C12orf75: variants seen among roughly 807,000 people sequenced by gnomAD.
C12orf75 encodes overexpressed in colon carcinoma 1 protein.
In C12orf75, 4 loss-of-function variants were observed where a neutral mutation model predicts 11.4. The observed-to-expected ratio is 0.35, with a 90% confidence interval of 0.17 to 0.80. The LOEUF (loss-of-function observed/expected upper bound fraction) is 0.80. Among genes scored for constraint, C12orf75 ranks in the 30% least tolerant of loss-of-function variants. The pLI, the probability that C12orf75 is intolerant of heterozygous loss-of-function variation, is 0.52. For synonymous variants in C12orf75, 30 were observed against 30.0 expected, an observed-to-expected ratio of 1.00 and a Z score of 0.00; for missense variants, 89 against 80.4, an observed-to-expected ratio of 1.11 and a Z score of -0.41.
intron 1 of C12orf75, among the ~76,000 whole-genome samples, chr12:105,335,646 G>A (rs944185298): frequency 6.8e-6 from 1 of 147,374 alleles, no homozygotes; most frequent in Non-Finnish European, 1.5e-5. Flanking sequence ...TCAGCCTCTA[G>A]ACTAGTTTCC....
intron 1 of C12orf75, among the ~76,000 whole-genome samples, chr12:105,337,686 T>G (rs941921277): frequency 2.0e-5 from 3 of 152,014 alleles, no homozygotes; most frequent in African/African-American, 7.3e-5. Flanking sequence ...TCTATAGGAG[T>G]ATTTGGGGAA....
At chr12:105,343,930 A>G (rs1391175918) in intron 1 of C12orf75, among the ~76,000 whole-genome samples, 1 of 152,046 alleles carries the variant, frequency 6.6e-6, no homozygotes, top group Non-Finnish European at 1.5e-5. Context: ...CTACCATTGC[A>G]GTTATTCAGT....
rs574124206 is a variant in C12orf75, at chr12:105,370,617, T to C, written c.*34-17T>C. 2 of 457,634 alleles carry C rather than the reference T, an allele frequency of 4.4e-6. No homozygotes were observed. Among genetic ancestry groups the C allele is most frequent in the African/African-American group, 2.0e-5 (1 of 50,190 alleles). The allele number at this position is 457,634 out of a possible 1,614,324, so 28.3% of individuals were successfully genotyped here. On this transcript the variant is annotated splice_polypyrimidine_tract_variant and intron_variant, in intron 5 of 5. Transcript: ENST00000443585. ...CCTGTTTGCTCACTCTTTTCTCCTCTTCTGTTGTCTCCTTAGCTTGCTCAT... is the reference window on the plus strand; with the variant it reads ...CCTGTTTGCTCACTCTTTTCTCCTCCTCTGTTGTCTCCTTAGCTTGCTCAT...
intron 2 of C12orf75, among the ~76,000 whole-genome samples, chr12:105,363,018 C>G (rs568037533): frequency 1.7e-4 from 26 of 152,370 alleles, no homozygotes; most frequent in Non-Finnish European, 2.2e-4. Flanking sequence ...TTAGGAGAAG[C>G]CACTACGTTG....
intron 1 of C12orf75, among the ~76,000 whole-genome samples, chr12:105,337,650 C>T (rs1892513197): frequency 6.6e-6 from 1 of 152,102 alleles, no homozygotes. Context: ...AAGGCCAGGT[C>T]TTTAGGTTTC....
At position 105,340,586 on chromosome 12, in the gene C12orf75, G is replaced by C. The variant is rs144470316; in HGVS notation, c.47-8016G>C. Among the ~76,000 whole-genome samples the C allele has an allele frequency of 8.0e-3, 1,220 of 152,234 alleles. 9 individuals carry two copies. The highest frequency in any genetic ancestry group is 0.031 in the Middle Eastern group (9 of 294). On this transcript the variant is annotated intron_variant, in intron 1 of 5. Transcript: ENST00000443585. ...TCATTTTGCTCTGTATTTTAAAAGA[G>C]AGTATTTTTTGGAGACAGGGAAGGA...
chr12:105,335,914 C>T (rs1422845027), intron 1 of C12orf75, among the ~76,000 whole-genome samples: 1 of 152,152 alleles, frequency 6.6e-6, no homozygotes, highest in Non-Finnish European at 1.5e-5. Flanking sequence ...AAAATGAAGT[C>T]CTAAGTTGGT....
chr12:105,350,041 C>T (rs1892690604), intron 2 of C12orf75, among the ~76,000 whole-genome samples: 1 of 152,114 alleles, frequency 6.6e-6, no homozygotes, highest in Admixed American at 6.5e-5. Context: ...GCTTCTAGCT[C>T]CTGTTTGCTG....
chr12:105,332,732 A>T (rs1377119074), intron 1 of C12orf75, among the ~76,000 whole-genome samples: 1 of 69,782 alleles, frequency 1.4e-5, no homozygotes, highest in Non-Finnish European at 2.6e-5. Context: ...ACTCCGCTCC[A>T]TCTAAAAAAA....
intron 2 of C12orf75, among the ~76,000 whole-genome samples, chr12:105,354,784 C>T (rs183826668): frequency 1.2e-3 from 187 of 152,126 alleles, no homozygotes; most frequent in African/African-American, 4.3e-3. Context: ...ACGGATTCAT[C>T]CAGGGATGGA....
chr12:105,360,616 A>G (rs1892848354), intron 2 of C12orf75, among the ~76,000 whole-genome samples: 1 of 152,192 alleles, frequency 6.6e-6, no homozygotes, highest in South Asian at 2.1e-4. Flanking sequence ...TCCTTTTGGC[A>G]CTTACATGTG....
At position 105,335,300 on chromosome 12, in the gene C12orf75, A is replaced by G. The variant is rs561302441; in HGVS notation, c.46+4363A>G. Among the ~76,000 whole-genome samples, 39 of 152,286 alleles carry G rather than the reference A, an allele frequency of 2.6e-4. No individual in the cohort carries two copies. The South Asian group carries it at 6.0e-3, about 23-fold the overall frequency. On this transcript the variant is annotated intron_variant, in intron 1 of 5. Coordinates refer to ENST00000443585, the MANE Select transcript of C12orf75 (RefSeq NM_001145199.2). ...ATAATTGCATTCTTTTGAGGTAGCT[A>G]TATTGGTCCAGGCTTAATTACATCT...
At chr12:105,367,432 A>G in intron 4 of C12orf75, 40 bp from the exon 5 acceptor site, 1 of 723,698 alleles carries the variant, frequency 1.4e-6, no homozygotes, top group Non-Finnish European at 2.2e-6. Flanking sequence ...TATGCTATTT[A>G]TAATCTGAAC....
intron 1 of C12orf75, among the ~76,000 whole-genome samples, chr12:105,333,868 C>T (rs1892468292): frequency 6.6e-6 from 1 of 152,164 alleles, no homozygotes; most frequent in Non-Finnish European, 1.5e-5. Flanking sequence ...CATATTATTA[C>T]AATACCCCTA....
intron 2 of C12orf75, among the ~76,000 whole-genome samples, chr12:105,352,095 C>T (rs935297114): frequency 1.3e-5 from 2 of 151,932 alleles, no homozygotes; most frequent in Non-Finnish European, 2.9e-5. Flanking sequence ...AATGACTGAA[C>T]GGGGAAGGAA....
intron 1 of C12orf75, among the ~76,000 whole-genome samples, chr12:105,345,684 CAG>C (rs1169094562): frequency 6.5e-4 from 8 of 12,296 alleles, no homozygotes; most frequent in African/African-American, 3.5e-3. Context: ...TTTTTTGAGA[CAG>C]AGTCTTGCTC....
intron 1 of C12orf75, among the ~76,000 whole-genome samples, chr12:105,333,755 A>G (rs1892466528): frequency 1.3e-5 from 2 of 152,210 alleles, no homozygotes; most frequent in African/African-American, 2.4e-5. Flanking sequence ...GTAAACTGTA[A>G]TTATTACTAT....
rs561273274 is a variant in C12orf75, at chr12:105,345,975, T to A, written c.47-2627T>A. On this transcript the variant is annotated intron_variant, in intron 1 of 5. Coordinates refer to ENST00000443585, the MANE Select transcript of C12orf75 (RefSeq NM_001145199.2). Reference sequence around the variant, plus strand: ...CACCGTGCCCGGCCTAGCACTTTTTTAAGTCTGATAAGAAACATTTAAAGA... The same window carrying A: ...CACCGTGCCCGGCCTAGCACTTTTTAAAGTCTGATAAGAAACATTTAAAGA... Among the ~76,000 whole-genome samples, 13 of 152,244 alleles carry A rather than the reference T, an allele frequency of 8.5e-5. No individual in the cohort carries two copies. In the South Asian group the frequency reaches 2.5e-3, roughly 29 times the overall value.
chr12:105,365,373 C>A (rs1871442181), intron 2 of C12orf75, among the ~76,000 whole-genome samples: 1 of 152,164 alleles, frequency 6.6e-6, no homozygotes. Flanking sequence ...TGTATTAGGA[C>A]TGGAAGAGAC....
Sources: allele counts gnomAD v4.1 joint callset (sites outside exome capture counted in the v4.1 genomes callset), GRCh38; gene constraint gnomAD v4.1.1; transcripts MANE v1.5; gene names NCBI Gene and HGNC (gene_info 2026-07-23, HGNC 2026-07-21).